The following COQ8A variants were observed in gnomAD, a reference collection of about 807,000 sequenced individuals.
The protein encoded by COQ8A is atypical kinase COQ8A, mitochondrial.
A neutral mutation model predicts 65.0 loss-of-function variants in COQ8A; 51 were observed. The observed-to-expected ratio is 0.78, with a 90% CI of 0.63 to 0.99. COQ8A has a LOEUF of 0.99. Ranked by LOEUF, COQ8A falls within the 50% of genes least tolerant of loss-of-function variation. The pLI is 0.00. For missense variants in COQ8A, 940 were observed against 875.0 expected (o/e 1.07, Z -0.94); for synonymous variants, 371 against 353.2 (o/e 1.05, Z -0.57).
chr1:226,982,946 T>C lies in COQ8A; in HGVS notation c.992T>C (p.Phe331Ser). 6.2e-7 allele frequency: 1 copy of C among 1,610,236 alleles called. No individual in the cohort carries two copies. The highest frequency in any genetic ancestry group is 8.5e-7 in the Non-Finnish European group (1 of 1,178,838). Residue 331 changes from phenylalanine to serine, a missense_variant, in exon 8 of 15, where the codon TTC becomes TCC. Phe to Ser is a radical substitution (Grantham distance 155). Transcript: ENST00000366777. ...GPNWRDKLEY[F>S]EERPFAAASI... ...AACTGGCGGGACAAGTTGGAATACTTCGAGGAGCGGCCCTTCGCCGCCGCA... is the reference window on the plus strand; with the variant it reads ...AACTGGCGGGACAAGTTGGAATACTCCGAGGAGCGGCCCTTCGCCGCCGCA...
intron 4 of COQ8A, among the ~76,000 whole-genome samples, chr1:226,976,498 C>G (rs1008658178): frequency 1.3e-5 from 2 of 152,096 alleles, no homozygotes; most frequent in African/African-American, 4.8e-5. Flanking sequence ...GCTCATCGTG[C>G]GGCCGCTCTG....
At chr1:226,962,925 C>T (rs534023863) in intron 2 of COQ8A, among the ~76,000 whole-genome samples, 28 of 152,362 alleles carry the variant, frequency 1.8e-4, no homozygotes, top group African/African-American at 6.3e-4. Context: ...TTCTTGTCCC[C>T]TCCCAGCCTG....
rs797045217 is a variant in COQ8A, at chr1:226,984,168, CCA to C, written c.1334_1335del (p.Thr445ArgfsTer52). ...GAGCTCTGCAGCCCACATGTGCTGA[CCA>C]CAGAGCTGGTGTCTGGCTTCCCCCT... On this transcript the variant is annotated frameshift_variant, in exon 11 of 15. Coordinates refer to ENST00000366777, the MANE Select transcript of COQ8A (RefSeq NM_020247.5). LOFTEE classifies it high-confidence loss of function. 3.1e-6 allele frequency: 5 copies of C among 1,613,770 alleles called. No individual in the cohort carries two copies. In the Admixed American group the frequency reaches 6.7e-5, roughly 22 times the overall value.
At chr1:226,944,571 A>C (rs1004944819) in intron 1 of COQ8A, among the ~76,000 whole-genome samples, 4 of 151,340 alleles carry the variant, frequency 2.6e-5, no homozygotes, top group African/African-American at 9.7e-5. Context: ...GGTTGCCCCC[A>C]TTTCTGGAGT....
In COQ8A at chr1:226,986,448, C is replaced by G. The variant is rs933176704; in HGVS notation, c.1660-5C>G. 1 of 1,611,794 alleles carries G rather than the reference C, an allele frequency of 6.2e-7. No individual in the cohort carries two copies. The highest frequency in any genetic ancestry group is 1.3e-5 in the African/African-American group (1 of 74,988). ...CCGCCATTTATCCTTCCTCTCTTGCCCCAGGTCATGGAAGACGCCCACTTG... is the reference window on the plus strand; with the variant it reads ...CCGCCATTTATCCTTCCTCTCTTGCGCCAGGTCATGGAAGACGCCCACTTG... On this transcript the variant is annotated splice_region_variant and splice_polypyrimidine_tract_variant and intron_variant, in intron 14 of 14. Coordinates refer to ENST00000366777, the MANE Select transcript of COQ8A (RefSeq NM_020247.5).
intron 1 of COQ8A, among the ~76,000 whole-genome samples, chr1:226,943,086 G>T (rs914751546): frequency 6.6e-6 from 1 of 152,220 alleles, no homozygotes; most frequent in Non-Finnish European, 1.5e-5. Flanking sequence ...TCAGTTAGGG[G>T]ATCTTTTGGG....
chr1:226,941,320 A>G (rs1656675757), intron 1 of COQ8A, among the ~76,000 whole-genome samples: 1 of 152,174 alleles, frequency 6.6e-6, no homozygotes, highest in Non-Finnish European at 1.5e-5. Context: ...CTGATTGCCA[A>G]AGGATTTGAA....
chr1:226,981,919 C>A, intron 5 of COQ8A, 108 bp from the exon 6 acceptor site: 1 of 1,534,932 alleles, frequency 6.5e-7, no homozygotes, highest in South Asian at 1.1e-5. Context: ...TTTATGGACG[C>A]CTGGGAGGAA....
rs375710485 is a variant in COQ8A, at chr1:226,984,136, T to A, written c.1299T>A (p.Ile433=). 1 of 1,613,654 alleles carries A rather than the reference T, an allele frequency of 6.2e-7. No individual in the cohort carries two copies. The highest frequency in any genetic ancestry group is 8.5e-7 in the Non-Finnish European group (1 of 1,179,978). The change falls in exon 11 of 15, where the codon ATT becomes ATA. Residue 433 remains isoleucine (I), a synonymous_variant. Coordinates refer to ENST00000366777, the MANE Select transcript of COQ8A (RefSeq NM_020247.5). The part of the protein sequence containing the change: ...KGHPFFYVPE[I]VDELCSPHVL... ...ACCCCTTCTTCTATGTGCCTGAGATTGTGGATGAGCTCTGCAGCCCACATG... is the reference window on the plus strand; with the variant it reads ...ACCCCTTCTTCTATGTGCCTGAGATAGTGGATGAGCTCTGCAGCCCACATG...
chr1:226,964,186 G>T (rs1658421851), intron 2 of COQ8A, among the ~76,000 whole-genome samples: 1 of 152,190 alleles, frequency 6.6e-6, no homozygotes, highest in South Asian at 2.1e-4. Flanking sequence ...CAGGCCACTG[G>T]TCTCCCTCTA....
At chr1:226,954,518 G>T (rs1445487299) in intron 1 of COQ8A, among the ~76,000 whole-genome samples, 2 of 152,242 alleles carry the variant, frequency 1.3e-5, no homozygotes, top group African/African-American at 4.8e-5. Flanking sequence ...AACCCTTAGG[G>T]GTGTGGCCCA....
intron 1 of COQ8A, among the ~76,000 whole-genome samples, chr1:226,941,187 G>C (rs1240995170): frequency 2.6e-5 from 4 of 152,330 alleles, no homozygotes; most frequent in African/African-American, 9.6e-5. Flanking sequence ...CCTGAAGGGT[G>C]AGAGGCTTGT....
chr1:226,983,908 C>T, intron 10 of COQ8A, 54 bp downstream of exon 10: 1 of 1,582,526 alleles, frequency 6.3e-7, no homozygotes, highest in South Asian at 1.1e-5. Flanking sequence ...GCAGAAGGGA[C>T]CATGTTCAGC....
chr1:226,981,413 C>T (rs1659680378), intron 5 of COQ8A, among the ~76,000 whole-genome samples: 1 of 152,262 alleles, frequency 6.6e-6, no homozygotes, highest in Non-Finnish European at 1.5e-5. Context: ...ACTGCATGCT[C>T]ATCACTGGCC....
rs1241546206 is a variant in COQ8A at position 226,986,751 on chromosome 1, G to A, written c.*14G>A. Reference sequence around the variant, plus strand: ...GCCCAGCAGTAGGGCTGCGGGCCACGCCCAGGCCGGCTCCGCGGGAACTCT... The same window carrying A: ...GCCCAGCAGTAGGGCTGCGGGCCACACCCAGGCCGGCTCCGCGGGAACTCT... On this transcript the variant is annotated 3_prime_UTR_variant, in exon 15 of 15. Coordinates refer to ENST00000366777, the MANE Select transcript of COQ8A (RefSeq NM_020247.5). 6 of 1,610,164 alleles carry A rather than the reference G, an allele frequency of 3.7e-6. No homozygotes were observed. The highest frequency in any genetic ancestry group is 4.5e-5 in the East Asian group (2 of 44,864).
chr1:226,985,780 C>T (rs1660069428), intron 14 of COQ8A, among the ~76,000 whole-genome samples: 1 of 152,214 alleles, frequency 6.6e-6, no homozygotes, highest in African/African-American at 2.4e-5. Context: ...CCGCTTGCTG[C>T]TTGACAGTGG....
intron 2 of COQ8A, among the ~76,000 whole-genome samples, chr1:226,962,846 A>G (rs1245593847): frequency 2.0e-5 from 3 of 152,190 alleles, no homozygotes; most frequent in East Asian, 1.9e-4. Context: ...CATCACACCC[A>G]TTTCTCAGAT....
chr1:226,977,422 T>C lies in COQ8A; in HGVS notation c.656-27T>C. 3 of 1,549,600 alleles carry C rather than the reference T, an allele frequency of 1.9e-6. No homozygotes were observed. The South Asian group carries it at 3.6e-5, about 18-fold the overall frequency. On this transcript the variant is annotated intron_variant, in intron 4 of 14. Coordinates refer to ENST00000366777, the MANE Select transcript of COQ8A (RefSeq NM_020247.5). ...GGTGGCCCCAGCCCTGCGTGAGCAC[T>C]GAGTGCCCGCCCCCTCCTCCTTGCA...
At position 226,984,913 on chromosome 1, in the gene COQ8A, A is replaced by T. The variant is rs1158238422; in HGVS notation, c.1544A>T (p.Asp515Val). 5 of 1,614,140 alleles carry T rather than the reference A, an allele frequency of 3.1e-6. No homozygotes were observed. Among genetic ancestry groups the T allele is most frequent in the Non-Finnish European group, 4.2e-6 (5 of 1,180,022 alleles). Residue 515 changes from aspartate (D) to valine (V), a missense_variant, in exon 13 of 15, where the codon GAC (aspartate) becomes GTC (valine). By Grantham distance (152) the Asp-to-Val change is radical. Transcript: ENST00000366777. ...LLDFGATREY[D>V]RSFTDLYIQI... ...GATTTTGGGGCAACGCGGGAATATG[A>T]CAGATCCTTCACCGACCTCTACATT...
Sources: allele counts gnomAD v4.1 joint callset (sites outside exome capture counted in the v4.1 genomes callset), GRCh38; gene constraint gnomAD v4.1.1; transcripts MANE v1.5; gene names NCBI Gene and HGNC (gene_info 2026-07-23, HGNC 2026-07-21).